ERN1: variants seen among roughly 807,000 people sequenced by gnomAD.
ERN1 encodes endoplasmic reticulum to nucleus signaling 1.
Under a neutral mutation model 113.1 loss-of-function variants are expected in ERN1, and 39 were observed. That is an observed-to-expected ratio of 0.34 (90% CI 0.27 to 0.45). The LOEUF is 0.45. Ranked by LOEUF, ERN1 falls within the 20% of genes least tolerant of loss-of-function variation. The pLI, the probability that ERN1 is intolerant of heterozygous loss-of-function variation, is 1.00. For synonymous variants in ERN1, 507 were observed against 515.9 expected (o/e 0.98, Z 0.23); for missense variants, 976 against 1,274.8 (o/e 0.77, Z 3.57).
At chr17:64,110,829 T>C (rs1284257004) in intron 1 of ERN1, among the ~76,000 whole-genome samples, 1 of 152,196 alleles carries the variant, frequency 6.6e-6, no homozygotes, top group Admixed American at 6.5e-5. Flanking sequence ...TGAATAGAGA[T>C]TGGAAAGCAC....
At chr17:64,098,397 A>C in intron 1 of ERN1, 156 bp from the exon 2 acceptor site, 8 of 938,318 alleles carry the variant, frequency 8.5e-6, no homozygotes, top group Non-Finnish European at 1.4e-5. Context: ...CCACTCAGTC[A>C]GGACTAGAAC....
chr17:64,054,683 T>C lies in ERN1; in HGVS notation c.1763+55A>G. The stretch of plus-strand genomic sequence containing the variant: ...TGAGCCTGGCACCAGGCTCGCAACC[T>C]GACAGGCACTTAGACACCAGGCGGT... On this transcript the variant is annotated intron_variant, in intron 14 of 21. Transcript: ENST00000433197. This position sits in a 1 kb window ranked among gnomAD's most constrained non-coding sequence, Gnocchi z 4.9. 7.1e-7 allele frequency: 1 copy of C among 1,414,338 alleles called. No homozygotes were observed. The highest frequency in any genetic ancestry group is 9.8e-7 in the Non-Finnish European group (1 of 1,025,244). 87.6% of individuals were successfully genotyped at this position (1,414,338 alleles called of 1,614,324 possible).
chr17:64,112,104 A>T (rs1201438287), intron 1 of ERN1, among the ~76,000 whole-genome samples: 1 of 152,220 alleles, frequency 6.6e-6, no homozygotes. Flanking sequence ...GCAGTGGCTC[A>T]TGCCTGTAAT....
intron 4 of ERN1, among the ~76,000 whole-genome samples, chr17:64,078,146 G>A (rs947041667): frequency 7.9e-5 from 12 of 152,178 alleles, no homozygotes; most frequent in Admixed American, 4.6e-4. Context: ...CTGCACTTCC[G>A]CCAGCAGTAG....
In ERN1 at chr17:64,043,828, G is replaced by A; in HGVS notation, c.*160C>T. 1.9e-6 allele frequency: 1 copy of A among 517,246 alleles called. No individual in the cohort carries two copies. The highest frequency in any genetic ancestry group is 3.4e-6 in the Non-Finnish European group (1 of 293,218). 32.0% of individuals were successfully genotyped at this position (517,246 alleles called of 1,614,324 possible). A position where few individuals can be genotyped will look rare whatever the true frequency, so the allele number is the denominator to read the frequency against. On this transcript the variant is annotated 3_prime_UTR_variant, in exon 22 of 22. Coordinates refer to ENST00000433197, the MANE Select transcript of ERN1 (RefSeq NM_001433.5). ...GAGGGGCCACTTCTCCCACTTCCTG[G>A]GGTCAGCACTGTCCTCTGTGGGCTG...
In ERN1 at chr17:64,102,689, G is replaced by A. The variant is rs77761679; in HGVS notation, c.55-4448C>T. The A allele has an allele frequency of 9.0e-3, 8,840 of 985,324 alleles. 41 individuals are homozygous for A. The highest frequency in any genetic ancestry group is 9.6e-3 in the Non-Finnish European group (7,991 of 829,896). The allele number at this position is 985,324 out of a possible 1,614,324, so 61.0% of individuals were successfully genotyped here. ...TATTTGTACCTGAACACTGAAAAAC[G>A]CTGCTTCACAAAGATGAACTTGTGC... On this transcript the variant is annotated intron_variant, in intron 1 of 21. Transcript: ENST00000433197.
chr17:64,079,630 C>T, intron 4 of ERN1, 32 bp downstream of exon 4: 1 of 1,572,512 alleles, frequency 6.4e-7, no homozygotes, highest in Non-Finnish European at 8.8e-7. Context: ...TCTAGAACCC[C>T]TGGAGTACAA....
chr17:64,072,189 G>A, intron 5 of ERN1, 86 bp from the exon 6 acceptor site: 1 of 1,422,984 alleles, frequency 7.0e-7, no homozygotes, highest in Non-Finnish European at 9.7e-7. Flanking sequence ...GCTCTGTATT[G>A]AGAGAGATAG....
chr17:64,099,935 C>T (rs1396087888), intron 1 of ERN1, among the ~76,000 whole-genome samples: 4 of 152,206 alleles, frequency 2.6e-5, no homozygotes, highest in Admixed American at 6.5e-5. Context: ...TTGCCACCTA[C>T]CGAGTCTACT....
chr17:64,057,469 C>T (rs196934), intron 12 of ERN1, among the ~76,000 whole-genome samples: 2 of 152,062 alleles, frequency 1.3e-5, no homozygotes, highest in Admixed American at 6.5e-5. Context: ...CACGGGTTCA[C>T]GCCATTCTCC....
At position 64,066,726 on chromosome 17, in the gene ERN1, T is replaced by C. The variant is rs753855367; in HGVS notation, c.787A>G (p.Ile263Val). The C allele has an allele frequency of 6.2e-6, 10 of 1,613,932 alleles. No individual in the cohort carries two copies. Among genetic ancestry groups the C allele is most frequent in the Middle Eastern group, 1.6e-4 (1 of 6,062 alleles). The stretch of plus-strand genomic sequence containing the variant: ...GGGAACGGGTACTTCCACTTTGTGA[T>C]GCGCCCCACCTCCCCAGACATGAAG... Reference protein sequence around the residue: ...LTFMSGEVGRITKWKYPFPKE... With the variant: ...LTFMSGEVGRVTKWKYPFPKE... The change falls in exon 8 of 22, where the codon ATC (isoleucine) becomes GTC (valine). Residue 263 changes from isoleucine (I) to valine (V), a missense_variant. By Grantham distance (29) the Ile-to-Val change is conservative. Transcript: ENST00000433197.
chr17:64,050,848 T>C (rs190011060), intron 17 of ERN1, among the ~76,000 whole-genome samples: 3 of 152,314 alleles, frequency 2.0e-5, no homozygotes, highest in Admixed American at 2.0e-4. Flanking sequence ...CTGACTTCTT[T>C]GATGATCTGA....
At chr17:64,112,380 A>AAAG (rs1315745749) in intron 1 of ERN1, among the ~76,000 whole-genome samples, 1 of 151,962 alleles carries the variant, frequency 6.6e-6, no homozygotes, top group Admixed American at 6.6e-5. Flanking sequence ...AAAAAAAAAA[A>AAAG]AAGAAGAAGA....
intron 1 of ERN1, among the ~76,000 whole-genome samples, chr17:64,110,804 G>A (rs1409182959): frequency 1.3e-5 from 2 of 152,192 alleles, no homozygotes; most frequent in South Asian, 4.1e-4. Context: ...CGATCTTTAT[G>A]CAGCCTCACA....
Position 64,049,038 on chromosome 17 carries a change from A to G in ERN1, c.2401+17T>C. ...AGCTGAGGAGCTGCTCCCAACCCCA[A>G]CCCCTGGACCGCTCACCGTGCTTCT... is the stretch of plus-strand genomic sequence containing the variant. On this transcript the variant is annotated intron_variant, in intron 18 of 21. Transcript: ENST00000433197. The surrounding 1 kb of genome is among the most constrained non-coding windows in gnomAD (Gnocchi z 4.7). 6.5e-7 allele frequency: 1 copy of G among 1,543,600 alleles called. No individual in the cohort carries two copies. The highest frequency in any genetic ancestry group is 2.3e-5 in the East Asian group (1 of 42,674).
intron 12 of ERN1, 115 bp from the exon 13 acceptor site, chr17:64,056,063 C>T (rs141586407): frequency 7.0e-7 from 1 of 1,427,400 alleles, no homozygotes; most frequent in Non-Finnish European, 9.2e-7. Context: ...TGTGACCCAA[C>T]AGGGCACAAA....
At chr17:64,127,186 A>G (rs535658654) in intron 1 of ERN1, among the ~76,000 whole-genome samples, 1 of 152,358 alleles carries the variant, frequency 6.6e-6, no homozygotes, top group African/African-American at 2.4e-5. Flanking sequence ...TCAACTCATA[A>G]TGAGTCAATG....
At chr17:64,088,582 T>C (rs1913998664) in intron 2 of ERN1, among the ~76,000 whole-genome samples, 1 of 152,220 alleles carries the variant, frequency 6.6e-6, no homozygotes, top group South Asian at 2.1e-4. Context: ...AGTAACTTTC[T>C]GTTGAGATGC....
At chr17:64,046,581 T>C (rs547557260) in intron 19 of ERN1, among the ~76,000 whole-genome samples, 12 of 152,344 alleles carry the variant, frequency 7.9e-5, no homozygotes, top group African/African-American at 2.9e-4. Flanking sequence ...AGCATTAAAC[T>C]CTTCCCAACC....
Sources: gnomAD v4.1 joint callset for allele counts (sites outside exome capture counted in the v4.1 genomes callset) on GRCh38, gnomAD v4.1.1 for gene constraint, Gnocchi (gnomAD v3.1) non-coding constraint, MANE v1.5 for transcripts, NCBI Gene and HGNC (gene_info 2026-07-23, HGNC 2026-07-21) for gene names.